Variants in AFDN observed in about 807,000 individuals in gnomAD.
The protein encoded by AFDN is afadin, adherens junction formation factor, also known as afadin.
A neutral mutation model predicts 216.6 loss-of-function variants in AFDN; 68 were observed. The ratio of observed to expected loss-of-function variants is 0.31; its 90% CI spans 0.26 to 0.38. The LOEUF is 0.38. Ranked by LOEUF, AFDN falls within the 10% of genes least tolerant of loss-of-function variation. AFDN has a pLI of 1.00. For missense variants in AFDN, 2,136 were observed against 2,342.0 expected (o/e 0.91, Z 1.82); for synonymous variants, 868 against 853.7 (o/e 1.02, Z -0.29).
At position 167,969,139 on chromosome 6, in the gene AFDN, T is replaced by C. The variant is rs2128782100; in HGVS notation, c.5283T>C (p.Thr1761=). 6.2e-7 allele frequency: 1 copy of C among 1,613,972 alleles called. No homozygotes were observed. Among genetic ancestry groups the C allele is most frequent in the East Asian group, 2.2e-5 (1 of 44,888 alleles). Residue 1761 remains threonine (T), a synonymous_variant, in exon 33 of 34, where the codon ACT becomes ACC. Coordinates refer to ENST00000683244, the MANE Select transcript of AFDN (RefSeq NM_001386888.1). ...LAGPNSYPGS[T]GAAVGAHDAC... ...GACCAAACTCTTACCCAGGATCTAC[T>C]GGAGCAGCTGTTGGAGCCCATGACG...
At chr6:167,828,765 T>G (rs1398712487) in intron 1 of AFDN, among the ~76,000 whole-genome samples, 1 of 151,268 alleles carries the variant, frequency 6.6e-6, no homozygotes, top group Non-Finnish European at 1.5e-5. Context: ...TTTTTTTTTG[T>G]TTGAATGGAT....
chr6:167,911,189 A>G (rs574672302), intron 14 of AFDN, 27 bp downstream of exon 14: 19 of 1,609,630 alleles, frequency 1.2e-5, no homozygotes, highest in East Asian at 2.2e-5. Context: ...TTCATTGTCA[A>G]TGAATTATTT....
intron 21 of AFDN, among the ~76,000 whole-genome samples, chr6:167,921,164 G>T (rs907800271): frequency 4.6e-5 from 7 of 152,188 alleles, no homozygotes; most frequent in African/African-American, 1.4e-4. Flanking sequence ...TTGCAAATGC[G>T]TATAGTTTAT....
chr6:167,944,098 T>A lies in AFDN; in HGVS notation c.3358+39T>A, dbSNP rs749506032. 40 of 1,498,956 alleles carry A rather than the reference T, an allele frequency of 2.7e-5. No individual in the cohort carries two copies. The African/African-American group carries it at 4.1e-4, about 15-fold the overall frequency. The allele number at this position is 1,498,956 out of a possible 1,614,324, so 92.9% of individuals were successfully genotyped here. The stretch of plus-strand genomic sequence containing the variant: ...GGGAAACAACAGTGTTTTACAGTCA[T>A]GGCCTCTTTGAATGGTCACAAAACC... On this transcript the variant is annotated intron_variant, in intron 26 of 33. Coordinates refer to ENST00000683244, the MANE Select transcript of AFDN (RefSeq NM_001386888.1).
intron 3 of AFDN, among the ~76,000 whole-genome samples, chr6:167,871,182 T>G (rs1168063839): frequency 2.0e-5 from 3 of 151,738 alleles, no homozygotes; most frequent in Admixed American, 2.0e-4. Flanking sequence ...ATTTTTTATT[T>G]TGTGTGATGT....
intron 2 of AFDN, among the ~76,000 whole-genome samples, chr6:167,865,590 G>A (rs1286570356): frequency 1.3e-5 from 2 of 152,190 alleles, no homozygotes; most frequent in African/African-American, 4.8e-5. Flanking sequence ...TCCACCCTGG[G>A]TGACACAGTG....
In AFDN at chr6:167,902,358, A is replaced by G. The variant is rs1276003777; in HGVS notation, c.1622A>G (p.His541Arg). Residue 541 changes from histidine (H) to arginine (R), a missense_variant, in exon 12 of 34, where the codon CAT (histidine) becomes CGT (arginine). His to Arg is a conservative substitution (Grantham distance 29). Coordinates refer to ENST00000683244, the MANE Select transcript of AFDN (RefSeq NM_001386888.1). ...ACTTTTGATTTGGGAGGAGATATTC[A>G]TAGTGGGACAGCATTACCGACAAGC... ...ETTFDLGGDI[H>R]SGTALPTSKS... is the part of the protein sequence containing the mutation. The G allele has an allele frequency of 1.9e-6, 3 of 1,612,872 alleles. No individual in the cohort carries two copies. The highest frequency in any genetic ancestry group is 2.2e-5 in the East Asian group (1 of 44,808).
chr6:167,850,795 T>G (rs917173200), intron 1 of AFDN, among the ~76,000 whole-genome samples: 1 of 152,248 alleles, frequency 6.6e-6, no homozygotes, highest in African/African-American at 2.4e-5. Context: ...TATAATTTTG[T>G]GTATAGGTTG....
At chr6:167,869,588 A>G (rs940593953) in intron 2 of AFDN, among the ~76,000 whole-genome samples, 6 of 152,052 alleles carry the variant, frequency 3.9e-5, no homozygotes, top group Non-Finnish European at 7.4e-5. Flanking sequence ...CTGCTTCCTT[A>G]GTGTTCTCCA....
At chr6:167,963,702 A>C (rs1797259400) in intron 31 of AFDN, 1 of 1,061,228 alleles carries the variant, frequency 9.4e-7, no homozygotes, top group African/African-American at 1.6e-5. Context: ...TTGAATCTGA[A>C]CAGCATTTGA....
chr6:167,866,325 A>G (rs1784181241), intron 2 of AFDN, among the ~76,000 whole-genome samples: 1 of 152,136 alleles, frequency 6.6e-6, no homozygotes, highest in Non-Finnish European at 1.5e-5. Flanking sequence ...TTGGGCTTAA[A>G]GTGCTGGTTT....
At chr6:167,963,793 T>G in intron 31 of AFDN, 1 of 1,062,794 alleles carries the variant, frequency 9.4e-7, no homozygotes, top group Non-Finnish European at 1.1e-6. Flanking sequence ...TCAACATTGA[T>G]GATCTTTCTA....
At chr6:167,909,508 A>G (rs1052296324) in intron 13 of AFDN, among the ~76,000 whole-genome samples, 3 of 152,142 alleles carry the variant, frequency 2.0e-5, no homozygotes, top group Non-Finnish European at 2.9e-5. Context: ...TATTATCTAT[A>G]TTAACTTATT....
chr6:167,927,970 A>G (rs1350846216), intron 23 of AFDN, among the ~76,000 whole-genome samples: 1 of 152,156 alleles, frequency 6.6e-6, no homozygotes, highest in African/African-American at 2.4e-5. Flanking sequence ...TGTAACCTCC[A>G]TATTTTCTGT....
At chr6:167,936,137 A>G (rs1426179769) in intron 23 of AFDN, among the ~76,000 whole-genome samples, 1 of 152,218 alleles carries the variant, frequency 6.6e-6, no homozygotes, top group Non-Finnish European at 1.5e-5. Flanking sequence ...TTTCCATACT[A>G]AGTCTCTGCA....
chr6:167,874,466 A>G (rs1562590127), intron 4 of AFDN, among the ~76,000 whole-genome samples: 1 of 152,136 alleles, frequency 6.6e-6, no homozygotes, highest in African/African-American at 2.4e-5. Flanking sequence ...ATCATTCTGT[A>G]CATTTGACTT....
chr6:167,953,779 C>G (rs537898279), intron 30 of AFDN, among the ~76,000 whole-genome samples: 1 of 152,186 alleles, frequency 6.6e-6, no homozygotes, highest in African/African-American at 2.4e-5. Flanking sequence ...TGGCCAGTGT[C>G]GCTCCTGGGT....
chr6:167,836,219 C>T (rs1449082287), intron 1 of AFDN, among the ~76,000 whole-genome samples: 1 of 152,194 alleles, frequency 6.6e-6, no homozygotes, highest in African/African-American at 2.4e-5. Context: ...TCAAGTTCTA[C>T]TTATAGATCT....
chr6:167,923,156 G>C (rs1325713188), intron 22 of AFDN, 197 bp downstream of exon 22: 11 of 471,204 alleles, frequency 2.3e-5, no homozygotes, highest in Non-Finnish European at 3.7e-5. Flanking sequence ...GTCTATTACA[G>C]TTTTGTCTGT....
Sources: allele counts gnomAD v4.1 joint callset (sites outside exome capture counted in the v4.1 genomes callset), GRCh38; gene constraint gnomAD v4.1.1; transcripts MANE v1.5; gene names NCBI Gene and HGNC (gene_info 2026-07-23, HGNC 2026-07-21).